The following CIAO2A variants were observed in gnomAD, a reference collection of about 807,000 sequenced individuals.
CIAO2A encodes the protein cytosolic iron-sulfur assembly component 2A, also known as MIP18 family protein FAM96A.
CIAO2A carries 17 observed loss-of-function variants against 22.4 expected under a neutral mutation model. The ratio of observed to expected loss-of-function variants is 0.76; its 90% confidence interval spans 0.52 to 1.14. The LOEUF (loss-of-function observed/expected upper bound fraction) is 1.14, where lower values mean the gene tolerates loss of function less well. Ranked by LOEUF, CIAO2A falls within the 50% of genes most tolerant of loss-of-function variation. The probability of loss-of-function intolerance (pLI) is 0.00; values close to 1 mark genes in which losing one functional copy is unlikely to be tolerated. For synonymous variants in CIAO2A, 74 were observed against 72.3 expected (o/e 1.02, Z -0.12); for missense variants, 192 against 191.4 (o/e 1.00, Z -0.02).
chr15:64,091,541 G>A lies in CIAO2A; in HGVS notation c.124+2104C>T, dbSNP rs117302187. Among the ~76,000 whole-genome samples the A allele has an allele frequency of 3.4e-3, 522 of 151,630 alleles. 4 individuals are homozygous for A. Among genetic ancestry groups the A allele is most frequent in the Non-Finnish European group, 5.2e-3 (354 of 67,926 alleles). Reference sequence around the variant, plus strand: ...ATTGGAAAACATAGGCAAGAAAGTCGACAAAGCTTCTCTTTCACAGAGCTG... The same window carrying A: ...ATTGGAAAACATAGGCAAGAAAGTCAACAAAGCTTCTCTTTCACAGAGCTG... On this transcript the variant is annotated intron_variant, in intron 1 of 4. Transcript: ENST00000300030.
intron 2 of CIAO2A, among the ~76,000 whole-genome samples, chr15:64,082,800 T>A (rs899148215): frequency 6.6e-6 from 1 of 152,304 alleles, no homozygotes; most frequent in African/African-American, 2.4e-5. Context: ...TAGTACAGCA[T>A]AACTGAGATA....
intron 4 of CIAO2A, chr15:64,075,291 G>A: frequency 2.1e-6 from 1 of 480,036 alleles, no homozygotes; most frequent in East Asian, 3.8e-5. Context: ...ACATCCGTGG[G>A]CTCTAGTGCA....
At chr15:64,092,665 G>A (rs2080849800) in intron 1 of CIAO2A, among the ~76,000 whole-genome samples, 1 of 152,180 alleles carries the variant, frequency 6.6e-6, no homozygotes, top group South Asian at 2.1e-4. Context: ...TCATCTGCCT[G>A]GAGGCTGATT....
At chr15:64,087,202 CT>C (rs2080804646) in intron 2 of CIAO2A, among the ~76,000 whole-genome samples, 2 of 151,228 alleles carry the variant, frequency 1.3e-5, no homozygotes, top group Non-Finnish European at 2.9e-5. Flanking sequence ...CGCCATTCTC[CT>C]GCCTCAGCCT....
intron 2 of CIAO2A, among the ~76,000 whole-genome samples, chr15:64,084,890 C>T (rs942851111): frequency 2.0e-5 from 3 of 151,646 alleles, no homozygotes; most frequent in Non-Finnish European, 1.5e-5. Flanking sequence ...GTCACAAGTT[C>T]GAGACCAGCC....
At chr15:64,074,147 T>C (rs896942109) in intron 4 of CIAO2A, among the ~76,000 whole-genome samples, 1 of 152,210 alleles carries the variant, frequency 6.6e-6, no homozygotes, top group Non-Finnish European at 1.5e-5. Flanking sequence ...TATTGGCCCA[T>C]TATGTTTTCT....
In CIAO2A at chr15:64,078,639, CAAAA is replaced by C. The variant is rs56266808; in HGVS notation, c.339+2459_339+2462del. Reference sequence around the variant, plus strand: ...CGACAGAGCGAGATTCCATCGCAAACAAAAAAAAAAAAAAAAGAAAAGAGAGAGA... The same window carrying C: ...CGACAGAGCGAGATTCCATCGCAAACAAAAAAAAAAAAGAAAAGAGAGAGA... On this transcript the variant is annotated intron_variant, in intron 3 of 4. Transcript: ENST00000300030. Among the ~76,000 whole-genome samples the C allele has an allele frequency of 4.6e-3, 591 of 129,138 alleles. 6 individuals carry two copies. The highest frequency in any genetic ancestry group is 0.016 in the African/African-American group (554 of 34,202). The allele number at this position is 129,138 out of a possible 152,430, so 84.7% of individuals were successfully genotyped here.
chr15:64,073,008 T>C lies in CIAO2A; in HGVS notation c.406A>G (p.Lys136Glu). 2 of 1,613,570 alleles carry C rather than the reference T, an allele frequency of 1.2e-6. No individual in the cohort carries two copies. The highest frequency in any genetic ancestry group is 1.7e-6 in the Non-Finnish European group (2 of 1,179,564). ...TCCATTGCAGCTGCCACTCGCTCTT[T>C]GTCATTTATCTGCTTATTGACTGAA... ...EEDINKQIND[K>E]ERVAAAMENP... Residue 136 changes from lysine to glutamate, a missense_variant, in exon 5 of 5, where the codon AAA (lysine) becomes GAA (glutamate). Coordinates refer to ENST00000300030, the MANE Select transcript of CIAO2A (RefSeq NM_032231.7).
chr15:64,072,863 T>C lies in CIAO2A; in HGVS notation c.*68A>G. 1 of 1,048,104 alleles carries C rather than the reference T, an allele frequency of 9.5e-7. No individual in the cohort carries two copies. The highest frequency in any genetic ancestry group is 1.5e-6 in the Non-Finnish European group (1 of 686,484). 64.9% of individuals were successfully genotyped at this position (1,048,104 alleles called of 1,614,324 possible). On this transcript the variant is annotated 3_prime_UTR_variant, in exon 5 of 5. Transcript: ENST00000300030. ...CACCTATGTATTAAACATGAGTCTCTGACATTATACAAAGAGTTTAAACAA... is the reference window on the plus strand; with the variant it reads ...CACCTATGTATTAAACATGAGTCTCCGACATTATACAAAGAGTTTAAACAA...
intron 3 of CIAO2A, among the ~76,000 whole-genome samples, chr15:64,076,716 G>A (rs1318873779): frequency 7.0e-6 from 1 of 143,568 alleles, no homozygotes; most frequent in Non-Finnish European, 1.5e-5. Context: ...AGGTCATCTA[G>A]TCCAATCTTT....
intron 2 of CIAO2A, among the ~76,000 whole-genome samples, chr15:64,084,554 G>T (rs1392181302): frequency 2.6e-5 from 4 of 152,114 alleles, no homozygotes; most frequent in Non-Finnish European, 5.9e-5. Context: ...CGGATCACCT[G>T]AGGTTGGGAG....
intron 2 of CIAO2A, among the ~76,000 whole-genome samples, chr15:64,082,973 G>A (rs191245986): frequency 1.8e-4 from 27 of 151,970 alleles, no homozygotes; most frequent in African/African-American, 2.7e-4. Context: ...AAGCCAAGGC[G>A]GGAGGACTGC....
Position 64,072,864 on chromosome 15 carries a change from G to T in CIAO2A, c.*67C>A. On this transcript the variant is annotated 3_prime_UTR_variant, in exon 5 of 5. Transcript: ENST00000300030. ...ACCTATGTATTAAACATGAGTCTCT[G>T]ACATTATACAAAGAGTTTAAACAAA... 1 of 1,052,264 alleles carries T rather than the reference G, an allele frequency of 9.5e-7. No homozygotes were observed. Among genetic ancestry groups the T allele is most frequent in the South Asian group, 1.4e-5 (1 of 72,408 alleles). The allele number at this position is 1,052,264 out of a possible 1,614,324, so 65.2% of individuals were successfully genotyped here. A position where few individuals can be genotyped will look rare whatever the true frequency, so the allele number is the denominator to read the frequency against.
Position 64,072,662 on chromosome 15 carries a change from T to C in CIAO2A, c.*269A>G, listed in dbSNP as rs1208103976. On this transcript the variant is annotated 3_prime_UTR_variant, in exon 5 of 5. Coordinates refer to ENST00000300030, the MANE Select transcript of CIAO2A (RefSeq NM_032231.7). ...GACACGAAAAATAGTTGTATCAGAA[T>C]GAGCATCAGAAAAATAGCAACTCAT... is the stretch of plus-strand genomic sequence containing the variant. The C allele has an allele frequency of 1.1e-5, 3 of 279,440 alleles. No homozygotes were observed. The highest frequency in any genetic ancestry group is 2.0e-5 in the Non-Finnish European group (3 of 150,384). The allele number at this position is 279,440 out of a possible 1,614,324, so 17.3% of individuals were successfully genotyped here.
intron 3 of CIAO2A, among the ~76,000 whole-genome samples, chr15:64,080,319 C>T (rs761165243): frequency 6.6e-6 from 1 of 152,020 alleles, no homozygotes; most frequent in Admixed American, 6.6e-5. Flanking sequence ...ACCCTGGAGG[C>T]GGAGGTTGCA....
rs1567306106 is a variant in CIAO2A, at chr15:64,081,534, C to CTTTTTTTTTTTTTT, written c.290-384_290-383insAAAAAAAAAAAAAA. Among the ~76,000 whole-genome samples the CTTTTTTTTTTTTTT allele has an allele frequency of 1.6e-4, 4 of 24,406 alleles. 1 individual carries two copies. Among genetic ancestry groups the CTTTTTTTTTTTTTT allele is most frequent in the Non-Finnish European group, 2.6e-4 (2 of 7,574 alleles). The allele number at this position is 24,406 out of a possible 152,430, so 16.0% of individuals were successfully genotyped here. ...AGCAAAAGTCAATTAACTCATTAAG[C>CTTTTTTTTTTTTTT]CTTTTTTTTTTTTTTTTTTTTGAGA... On this transcript the variant is annotated intron_variant, in intron 2 of 4. Transcript: ENST00000300030.
At chr15:64,088,883 T>G in intron 1 of CIAO2A, 32 bp from the exon 2 acceptor site, 1 of 1,578,110 alleles carries the variant, frequency 6.3e-7, no homozygotes. Flanking sequence ...GATATTCTAT[T>G]AAAACATGAC....
chr15:64,078,650 A>G (rs1216549081), intron 3 of CIAO2A, among the ~76,000 whole-genome samples: 1 of 151,618 alleles, frequency 6.6e-6, no homozygotes, highest in Non-Finnish European at 1.5e-5. Context: ...AAAAAAAAAA[A>G]AAAAAGAAAA....
chr15:64,092,803 T>C (rs147087279), intron 1 of CIAO2A, among the ~76,000 whole-genome samples: 48 of 152,332 alleles, frequency 3.2e-4, no homozygotes, highest in African/African-American at 1.1e-3. Context: ...GTTAGATCTC[T>C]CAATATTATA....
Sources: allele counts gnomAD v4.1 joint callset (sites outside exome capture counted in the v4.1 genomes callset), GRCh38; gene constraint gnomAD v4.1.1; transcripts MANE v1.5; gene names NCBI Gene and HGNC (gene_info 2026-07-23, HGNC 2026-07-21).